Variants in TNKS observed in about 807,000 individuals in gnomAD.
The protein encoded by TNKS is poly [ADP-ribose] polymerase tankyrase-1.
In TNKS, 72 loss-of-function variants were observed where a neutral mutation model predicts 135.8. The observed-to-expected ratio is 0.53, with a 90% confidence interval of 0.44 to 0.64. TNKS has a LOEUF of 0.64. TNKS is among the 30% of genes least tolerant of loss of function. The pLI, the probability that TNKS is intolerant of heterozygous loss-of-function variation, is 0.00. For missense variants in TNKS, 1,769 were observed against 1,674.0 expected, an observed-to-expected ratio of 1.06 and a Z score of -0.99; for synonymous variants, 849 against 649.3, an observed-to-expected ratio of 1.31 and a Z score of -4.68.
At chr8:9,755,263 CTCCT>C (rs1476266860) in intron 20 of TNKS, among the ~76,000 whole-genome samples, 1 of 152,196 alleles carries the variant, frequency 6.6e-6, no homozygotes, top group African/African-American at 2.4e-5. Context: ...CTCCTAGTCA[CTCCT>C]TCTGACAGCT....
intron 21 of TNKS, 53 bp from the exon 22 acceptor site, chr8:9,763,094 G>C (rs1807235515): frequency 4.3e-6 from 2 of 463,780 alleles, no homozygotes; most frequent in East Asian, 7.6e-5. Flanking sequence ...TTATAAAATA[G>C]AGCCTGAGTA....
intron 2 of TNKS, among the ~76,000 whole-genome samples, chr8:9,601,559 G>A (rs527275060): frequency 2.0e-5 from 3 of 152,130 alleles, no homozygotes; most frequent in Non-Finnish European, 4.4e-5. Flanking sequence ...TTGTATCTCA[G>A]GGGAATGTCT....
chr8:9,598,765 GTATATATATATATA>G (rs71201956), intron 2 of TNKS, among the ~76,000 whole-genome samples: 3,124 of 49,192 alleles, frequency 0.064, 121 homozygotes, highest in African/African-American at 0.089. Flanking sequence ...ATGTGTGTGT[GTATATATATATATA>G]TATATATATA....
rs779623470 is a variant in TNKS at position 9,751,774 on chromosome 8, G to A, written c.2998G>A (p.Ala1000Thr). The change falls in exon 19 of 27, where the codon GCA (alanine) becomes ACA (threonine). Residue 1000 changes from alanine to threonine, a missense_variant. Transcript: ENST00000310430. ...SSIDNLTGPL[A>T]ELAVGGASNA... is the part of the protein sequence containing the mutation. ...CATAGACAACCTCACTGGCCCTTTA[G>A]CAGAGTTGGCCGTAGGAGGAGCCTC... 1.6e-5 allele frequency: 26 copies of A among 1,614,036 alleles called. No individual in the cohort carries two copies. The highest frequency in any genetic ancestry group is 3.3e-5 in the Admixed American group (2 of 60,000).
intron 5 of TNKS, among the ~76,000 whole-genome samples, chr8:9,688,094 A>G (rs1364004714): frequency 1.3e-5 from 2 of 152,240 alleles, no homozygotes; most frequent in Admixed American, 6.5e-5. Flanking sequence ...ATGATGTTTT[A>G]ATATATGCTT....
intron 3 of TNKS, among the ~76,000 whole-genome samples, chr8:9,649,548 T>A (rs574414597): frequency 1.1e-4 from 17 of 152,248 alleles, no homozygotes; most frequent in African/African-American, 4.1e-4. Flanking sequence ...TAGTGGTAAT[T>A]TCTGAGATTT....
At chr8:9,662,438 C>G (rs1405548412) in intron 3 of TNKS, among the ~76,000 whole-genome samples, 2 of 152,172 alleles carry the variant, frequency 1.3e-5, no homozygotes, top group Non-Finnish European at 2.9e-5. Context: ...AGTTCATGTC[C>G]TTTGTAGGGA....
At position 9,688,875 on chromosome 8, in the gene TNKS, A is replaced by G. The variant is rs937001320; in HGVS notation, c.1107+8075A>G. On this transcript the variant is annotated intron_variant, in intron 5 of 26. Transcript: ENST00000310430. ...AAGCTGGGCTGGAAGTCCTGACCTC[A>G]GGTGATCCACCCACCTCGGCCTCCC... is the stretch of plus-strand genomic sequence containing the variant. Among the ~76,000 whole-genome samples the G allele has an allele frequency of 1.1e-4, 17 of 152,328 alleles. No homozygotes were observed. In the East Asian group the frequency reaches 1.9e-3, roughly 17 times the overall value.
chr8:9,588,397 C>G (rs1475591150), intron 2 of TNKS, among the ~76,000 whole-genome samples: 2 of 152,054 alleles, frequency 1.3e-5, no homozygotes, highest in Admixed American at 1.3e-4. Flanking sequence ...GCCTCAGCCT[C>G]CCGAGTAGCT....
intron 2 of TNKS, among the ~76,000 whole-genome samples, chr8:9,589,381 T>C (rs764450513): frequency 2.6e-5 from 4 of 152,194 alleles, no homozygotes; most frequent in Non-Finnish European, 5.9e-5. Context: ...AGTAAATAAC[T>C]GCATGTAAAG....
intron 1 of TNKS, among the ~76,000 whole-genome samples, chr8:9,563,554 C>T (rs1392971876): frequency 6.6e-6 from 1 of 152,128 alleles, no homozygotes; most frequent in Non-Finnish European, 1.5e-5. Context: ...TTGTAGTTTG[C>T]TGACCTCTGT....
In TNKS at chr8:9,556,594, C is replaced by A. The variant is rs1166740777; in HGVS notation, c.655C>A (p.Pro219Thr). ...GGACATGGCCGGCCGGAAGTCTTCT[C>A]CCCTGCACTTCGCTGCAGGTCAGAG... ...AKDMAGRKSSPLHFAAGFGRK... is the reference protein window; with the variant it reads ...AKDMAGRKSSTLHFAAGFGRK... Residue 219 changes from proline to threonine, a missense_variant, in exon 1 of 27, where the codon CCC becomes ACC. Physicochemically the swap from Pro to Thr is conservative, Grantham distance 38. Transcript: ENST00000310430. The A allele has an allele frequency of 1.2e-6, 2 of 1,613,674 alleles. No homozygotes were observed. The highest frequency in any genetic ancestry group is 1.7e-6 in the Non-Finnish European group (2 of 1,180,040).
chr8:9,754,318 T>A (rs1248567882), intron 20 of TNKS, among the ~76,000 whole-genome samples: 1 of 152,214 alleles, frequency 6.6e-6, no homozygotes, highest in Non-Finnish European at 1.5e-5. Context: ...CCTCTACACA[T>A]CTTCCCCTAT....
In TNKS at chr8:9,706,805, A is replaced by T. The variant is rs1224025923; in HGVS notation, c.1270-6A>T. 1 of 1,594,060 alleles carries T rather than the reference A, an allele frequency of 6.3e-7. No homozygotes were observed. The highest frequency in any genetic ancestry group is 8.5e-7 in the Non-Finnish European group (1 of 1,174,570). On this transcript the variant is annotated splice_polypyrimidine_tract_variant and splice_region_variant and intron_variant, in intron 7 of 26. Transcript: ENST00000310430. Reference sequence around the variant, plus strand: ...CTGACCTAAAATGTTTTTTTTCTCAATTCAGCATGGAGCTTGTGTTAATGC... The same window carrying T: ...CTGACCTAAAATGTTTTTTTTCTCATTTCAGCATGGAGCTTGTGTTAATGC...
intron 21 of TNKS, among the ~76,000 whole-genome samples, 156 bp downstream of exon 21, chr8:9,761,792 C>G (rs1053621579): frequency 1.3e-5 from 2 of 152,144 alleles, no homozygotes; most frequent in Non-Finnish European, 2.9e-5. Flanking sequence ...GCCTCATGCT[C>G]CCTCTAGCTG....
At chr8:9,701,182 C>A (rs1803785125) in intron 5 of TNKS, among the ~76,000 whole-genome samples, 1 of 152,150 alleles carries the variant, frequency 6.6e-6, no homozygotes, top group Non-Finnish European at 1.5e-5. Context: ...CGTGATCCGC[C>A]CGCCTCAGCC....
chr8:9,616,290 A>C (rs73539907), intron 3 of TNKS, among the ~76,000 whole-genome samples: 13,562 of 152,248 alleles, frequency 0.089, 639 homozygotes, highest in South Asian at 0.18. Context: ...CTAGAATGGA[A>C]AAGGTCTCTC....
chr8:9,696,155 C>T (rs749125341), intron 5 of TNKS, among the ~76,000 whole-genome samples: 8 of 152,100 alleles, frequency 5.3e-5, no homozygotes, highest in Non-Finnish European at 1.2e-4. Flanking sequence ...AGCTACAAGA[C>T]TGCATGAGCT....
chr8:9,580,479 G>A, intron 2 of TNKS, 96 bp downstream of exon 2: 1 of 1,073,614 alleles, frequency 9.3e-7, no homozygotes. Flanking sequence ...GGTAAGGAAG[G>A]GTTTATTGCT....
Sources: gnomAD v4.1 joint callset for allele counts (sites outside exome capture counted in the v4.1 genomes callset) on GRCh38, gnomAD v4.1.1 for gene constraint, MANE v1.5 for transcripts, NCBI Gene and HGNC (gene_info 2026-07-23, HGNC 2026-07-21) for gene names.